PHF24: variants seen among roughly 807,000 people sequenced by gnomAD.
The protein encoded by PHF24 is Galpha inhibitory interacting protein.
In PHF24, 25 loss-of-function variants were observed where a neutral mutation model predicts 42.6. The ratio of observed to expected loss-of-function variants is 0.59; its 90% CI spans 0.43 to 0.82. The LOEUF is 0.82. Among genes scored for constraint, PHF24 ranks in the 40% least tolerant of loss-of-function variants. The pLI, the probability that PHF24 is intolerant of heterozygous loss-of-function variation, is 0.00. For missense variants in PHF24, 470 were observed against 538.1 expected (o/e 0.87, Z 1.25); for synonymous variants, 185 against 204.8 (o/e 0.90, Z 0.83).
chr9:34,770,849 C>T, the PHF24 span, among the ~76,000 whole-genome samples: 1 of 152,044 alleles, frequency 6.6e-6, no homozygotes, highest in Non-Finnish European at 1.5e-5. Context: ...CATGGTGGCT[C>T]ATACCTATAA....
chr9:34,932,158 A>G, the PHF24 span, among the ~76,000 whole-genome samples: 1 of 152,160 alleles, frequency 6.6e-6, no homozygotes, highest in Non-Finnish European at 1.5e-5. Flanking sequence ...GCTTCTGTCT[A>G]TCATCTGTAC....
At chr9:34,704,746 G>T in the PHF24 span, among the ~76,000 whole-genome samples, 3 of 152,154 alleles carry the variant, frequency 2.0e-5, no homozygotes, top group African/African-American at 7.2e-5. Context: ...TGAGGTGGGA[G>T]GATTGCTTGA....
At chr9:34,932,370 G>A in the PHF24 span, among the ~76,000 whole-genome samples, 1 of 152,212 alleles carries the variant, frequency 6.6e-6, no homozygotes, top group Non-Finnish European at 1.5e-5. Context: ...CAGAGGTTCT[G>A]CAGAGGGCAA....
the PHF24 span, chr9:34,723,429 C>T: frequency 6.4e-7 from 1 of 1,551,676 alleles, no homozygotes; most frequent in Non-Finnish European, 8.7e-7. Context: ...TTGGAGCACC[C>T]TGTCGGCTTC....
At chr9:34,770,127 A>G in the PHF24 span, among the ~76,000 whole-genome samples, 1 of 152,158 alleles carries the variant, frequency 6.6e-6, no homozygotes. Context: ...AAGCCAAAAG[A>G]CAAACTACAA....
the PHF24 span, chr9:34,691,056 A>G: frequency 3.2e-6 from 5 of 1,567,768 alleles, no homozygotes; most frequent in Non-Finnish European, 4.3e-6. Context: ...CCAGCCCCCC[A>G]CTGCCTCTGA....
At chr9:34,850,534 G>A in the PHF24 span, among the ~76,000 whole-genome samples, 2 of 152,108 alleles carry the variant, frequency 1.3e-5, no homozygotes, top group African/African-American at 4.8e-5. Flanking sequence ...CAACTTCTTT[G>A]TCTTTGTTTT....
At chr9:34,788,089 G>T in the PHF24 span, among the ~76,000 whole-genome samples, 281 of 152,242 alleles carry the variant, frequency 1.8e-3, 1 homozygote, top group Middle Eastern at 3.4e-3. Context: ...CCAGGCTGGA[G>T]TGCAGTGGTG....
chr9:34,855,761 A>G, the PHF24 span, among the ~76,000 whole-genome samples: 1 of 151,908 alleles, frequency 6.6e-6, no homozygotes, highest in South Asian at 2.1e-4. Flanking sequence ...CTTGGGGTTG[A>G]TCTTGTGGAG....
the PHF24 span, among the ~76,000 whole-genome samples, chr9:34,825,855 C>A: frequency 6.6e-6 from 1 of 152,154 alleles, no homozygotes; most frequent in Non-Finnish European, 1.5e-5. Flanking sequence ...ACCCTAGCTG[C>A]TAGCACAATT....
the PHF24 span, among the ~76,000 whole-genome samples, chr9:34,908,067 T>A: frequency 9.8e-4 from 149 of 152,230 alleles, 1 homozygote; most frequent in Non-Finnish European, 1.6e-3. Context: ...GGTCTCGAAC[T>A]CCCGACCTCG....
At chr9:34,691,225 G>T in the PHF24 span, 1 of 1,215,116 alleles carries the variant, frequency 8.2e-7, no homozygotes, top group South Asian at 1.3e-5. Context: ...GCTGCAGGGC[G>T]ACTGGGATGC....
chr9:34,707,102 T>C, the PHF24 span, among the ~76,000 whole-genome samples: 2 of 151,828 alleles, frequency 1.3e-5, no homozygotes, highest in Non-Finnish European at 2.9e-5. Context: ...CCAGCCAGAG[T>C]GGGCACTGGG....
the PHF24 span, chr9:34,729,384 A>G: frequency 1.9e-6 from 3 of 1,551,570 alleles, no homozygotes; most frequent in Non-Finnish European, 1.7e-6. Context: ...ATAGATGTAT[A>G]AGGGATATCC....
the PHF24 span, among the ~76,000 whole-genome samples, chr9:34,717,856 T>C: frequency 1.3e-4 from 20 of 152,306 alleles, no homozygotes; most frequent in African/African-American, 4.6e-4. Flanking sequence ...TGATGCAGGG[T>C]GTTCATGGGT....
the PHF24 span, among the ~76,000 whole-genome samples, chr9:34,708,777 CAT>C: frequency 6.6e-6 from 1 of 152,216 alleles, no homozygotes; most frequent in Non-Finnish European, 1.5e-5. Context: ...GTGTGTGCTC[CAT>C]GTCCACCACC....
upstream of PHF24, chr9:34,957,666 G>A (rs1826409001): frequency 6.6e-6 from 1 of 152,280 alleles, no homozygotes; most frequent in Admixed American, 6.5e-5. Flanking sequence ...GGTTCGTTGG[G>A]ACCCTCCGGA....
the PHF24 span, among the ~76,000 whole-genome samples, chr9:34,929,446 T>C: frequency 6.6e-6 from 1 of 152,200 alleles, no homozygotes; most frequent in African/African-American, 2.4e-5. Context: ...GGACTCCCTT[T>C]TCTGTTCTCT....
rs16932104 is a variant in PHF24, at chr9:34,971,556, C to T, written c.258C>T (p.Arg86=). 4.8e-3 allele frequency: 7,709 copies of T among 1,614,060 alleles called. 312 individuals are homozygous for T. The African/African-American group carries it at 0.088, about 18-fold the overall frequency. The change falls in exon 2 of 8, where the codon CGC becomes CGT. Residue 86 remains arginine, a synonymous_variant. Transcript: ENST00000242315. ...CCTGGGAGCGGCTCCGAGATGGGCG[C>T]GGCGTGGAGCCTGAGGAGTTTGACA... is the stretch of plus-strand genomic sequence containing the variant.
Sources: allele counts gnomAD v4.1 joint callset (sites outside exome capture counted in the v4.1 genomes callset), GRCh38; gene constraint gnomAD v4.1.1; transcripts MANE v1.5; gene names NCBI Gene and HGNC (gene_info 2026-07-23, HGNC 2026-07-21).